Variants in LRRIQ1 observed in about 807,000 individuals in gnomAD.
LRRIQ1 encodes leucine-rich repeat- and IQ domain-containing protein 1.
In LRRIQ1, 210 loss-of-function variants were observed where a neutral mutation model predicts 211.9. The ratio of observed to expected loss-of-function variants is 0.99; its 90% CI spans 0.89 to 1.11. The LOEUF is 1.11. Among genes scored for constraint, LRRIQ1 ranks in the 50% most tolerant of loss-of-function variants. The pLI is 0.00. For synonymous variants in LRRIQ1, 699 were observed against 650.1 expected, an observed-to-expected ratio of 1.08 and a Z score of -1.14; for missense variants, 2,136 against 1,939.5, an observed-to-expected ratio of 1.10 and a Z score of -1.90.
At chr12:85,116,902 C>A (rs2136391304) in intron 15 of LRRIQ1, among the ~76,000 whole-genome samples, 1 of 142,136 alleles carries the variant, frequency 7.0e-6, no homozygotes, top group South Asian at 2.3e-4. Flanking sequence ...TTTTTTATGG[C>A]TGCATATATT....
intron 24 of LRRIQ1, among the ~76,000 whole-genome samples, chr12:85,192,989 A>T (rs1892663737): frequency 1.5e-5 from 1 of 65,280 alleles, no homozygotes; most frequent in Admixed American, 2.6e-4. Flanking sequence ...ATATAATTAT[A>T]TAATATAATA....
intron 18 of LRRIQ1, among the ~76,000 whole-genome samples, chr12:85,135,098 T>C (rs1592859325): frequency 6.6e-6 from 1 of 152,000 alleles, no homozygotes; most frequent in African/African-American, 2.4e-5. Context: ...AAAATAAAAG[T>C]CATCACTCAA....
intron 24 of LRRIQ1, among the ~76,000 whole-genome samples, chr12:85,224,089 T>A (rs1245049014): frequency 6.6e-6 from 1 of 152,136 alleles, no homozygotes; most frequent in African/African-American, 2.4e-5. Context: ...AGATATTTTA[T>A]TCTTAATTCC....
chr12:85,102,959 A>ATATATATAT (rs1555207753), intron 13 of LRRIQ1, among the ~76,000 whole-genome samples: 8 of 108,468 alleles, frequency 7.4e-5, no homozygotes, highest in African/African-American at 2.5e-4. Flanking sequence ...AAAAAAAAAA[A>ATATATATAT]ATATATATAT....
At chr12:85,075,468 C>T (rs1008736670) in intron 11 of LRRIQ1, among the ~76,000 whole-genome samples, 8 of 152,004 alleles carry the variant, frequency 5.3e-5, no homozygotes, top group African/African-American at 1.7e-4. Context: ...TGGCAGGAGG[C>T]GAAGCTGGCG....
rs147080103 is a variant in LRRIQ1 at position 85,121,722 on chromosome 12, G to T, written c.3403G>T (p.Ala1135Ser). 1 of 1,592,796 alleles carries T rather than the reference G, an allele frequency of 6.3e-7. No individual in the cohort carries two copies. The highest frequency in any genetic ancestry group is 1.2e-5 in the South Asian group (1 of 86,530). ...WRDSLLKVLPALRILNGNILN... is the reference protein window; with the variant it reads ...WRDSLLKVLPSLRILNGNILN... ...GGATTCTCTACTTAAAGTGTTGCCT[G>T]CTCTGAGAATCCTCAATGGCAATAT... The change falls in exon 16 of 27, where the codon GCT becomes TCT. Residue 1135 changes from alanine (A) to serine (S), a missense_variant. Transcript: ENST00000393217.
Position 85,065,379 on chromosome 12 carries a change from A to T in LRRIQ1, c.2509A>T (p.Ser837Cys). 4 of 1,610,054 alleles carry T rather than the reference A, an allele frequency of 2.5e-6. No individual in the cohort carries two copies. The highest frequency in any genetic ancestry group is 3.4e-6 in the Non-Finnish European group (4 of 1,177,504). Reference protein sequence around the residue: ...RCGLTSLHSLSNCKKLKYIDA... With the variant: ...RCGLTSLHSLCNCKKLKYIDA... ...TGGATTAACTTCTTTGCACAGCCTG[A>T]GTAATTGTAAAAAACTTAAGTACAT... The change falls in exon 9 of 27, where the codon AGT (serine) becomes TGT (cysteine). Residue 837 changes from serine (S) to cysteine (C), a missense_variant. Ser to Cys is a moderately radical substitution (Grantham distance 112, BLOSUM62 -1). Coordinates refer to ENST00000393217, the MANE Select transcript of LRRIQ1 (RefSeq NM_001079910.2).
intron 11 of LRRIQ1, among the ~76,000 whole-genome samples, chr12:85,078,369 C>T (rs962521143): frequency 6.6e-6 from 1 of 152,094 alleles, no homozygotes; most frequent in Non-Finnish European, 1.5e-5. Context: ...AGCTAAAGCT[C>T]AGAGAAGTTA....
chr12:85,262,775 T>G, intron 1 of LRRIQ1: 1 of 235,762 alleles, frequency 4.2e-6, no homozygotes, highest in Non-Finnish European at 6.9e-6. Flanking sequence ...AAAAATAAGC[T>G]CAACAAAGAT....
chr12:85,233,253 CTG>C (rs1895031894), intron 26 of LRRIQ1, among the ~76,000 whole-genome samples: 1 of 151,924 alleles, frequency 6.6e-6, no homozygotes, highest in African/African-American at 2.4e-5. Context: ...TGCAGTATAA[CTG>C]TATGTGCATT....
chr12:85,251,792 A>T (rs1187862333), intron 1 of LRRIQ1, among the ~76,000 whole-genome samples: 1 of 151,356 alleles, frequency 6.6e-6, no homozygotes, highest in Non-Finnish European at 1.5e-5. Context: ...AAAAAAAAAC[A>T]GATATAGAGG....
intron 8 of LRRIQ1, among the ~76,000 whole-genome samples, chr12:85,059,966 A>G (rs1415097927): frequency 1.3e-5 from 2 of 152,024 alleles, no homozygotes; most frequent in Admixed American, 6.6e-5. Context: ...AAATTACTGA[A>G]GTGTAGCTTA....
chr12:85,096,519 A>C (rs1029057867), intron 11 of LRRIQ1, among the ~76,000 whole-genome samples: 6 of 152,086 alleles, frequency 3.9e-5, no homozygotes, highest in African/African-American at 1.4e-4. Flanking sequence ...TCTGGTCTGA[A>C]AGTATGATTG....
chr12:85,127,742 T>C, intron 17 of LRRIQ1, 90 bp from the exon 18 acceptor site: 1 of 1,060,846 alleles, frequency 9.4e-7, no homozygotes. Context: ...TGTTCTTTGT[T>C]TAAAATCTTG....
intron 26 of LRRIQ1, 139 bp downstream of exon 26, chr12:85,232,895 G>A (rs961178727): frequency 2.9e-5 from 17 of 590,034 alleles, no homozygotes; most frequent in African/African-American, 2.3e-4. Context: ...AATATCATGT[G>A]TTAAAATAAT....
At chr12:85,244,486 G>T (rs771376702) in intron 26 of LRRIQ1, among the ~76,000 whole-genome samples, 5 of 151,520 alleles carry the variant, frequency 3.3e-5, no homozygotes, top group Admixed American at 6.6e-5. Context: ...ATAATGTTAA[G>T]CTCTTTAAAG....
At chr12:85,185,386 C>A (rs182625878) in intron 24 of LRRIQ1, among the ~76,000 whole-genome samples, 1 of 151,646 alleles carries the variant, frequency 6.6e-6, no homozygotes, top group African/African-American at 2.4e-5. Flanking sequence ...TAAAATAAAA[C>A]AAAACATCAA....
intron 15 of LRRIQ1, among the ~76,000 whole-genome samples, chr12:85,117,701 C>A (rs1479177354): frequency 6.6e-6 from 1 of 152,122 alleles, no homozygotes; most frequent in Non-Finnish European, 1.5e-5. Flanking sequence ...GAAATTGAAT[C>A]TTGAAAAAGG....
intron 24 of LRRIQ1, among the ~76,000 whole-genome samples, chr12:85,210,408 T>A (rs186078368): frequency 1.3e-5 from 2 of 152,338 alleles, no homozygotes; most frequent in Admixed American, 1.3e-4. Context: ...TAAAACACGA[T>A]GTTTTTGATG....
Sources: allele counts gnomAD v4.1 joint callset (sites outside exome capture counted in the v4.1 genomes callset), GRCh38; gene constraint gnomAD v4.1.1; transcripts MANE v1.5; gene names NCBI Gene and HGNC (gene_info 2026-07-23, HGNC 2026-07-21).